NEO1: variants seen among roughly 807,000 people sequenced by gnomAD.
NEO1 encodes the protein neogenin 1.
A neutral mutation model predicts 159.7 loss-of-function variants in NEO1; 63 were observed. That is an observed-to-expected ratio of 0.39 (90% CI 0.32 to 0.49). The LOEUF is 0.49. NEO1 is among the 20% of genes least tolerant of loss of function. The pLI, the probability that NEO1 is intolerant of heterozygous loss-of-function variation, is 0.85. For synonymous variants in NEO1, 633 were observed against 662.0 expected, an observed-to-expected ratio of 0.96 and a Z score of 0.67; for missense variants, 1,615 against 1,831.0, an observed-to-expected ratio of 0.88 and a Z score of 2.15.
At chr15:73,098,434 C>T (rs1362626768) in intron 1 of NEO1, among the ~76,000 whole-genome samples, 2 of 152,146 alleles carry the variant, frequency 1.3e-5, no homozygotes, top group African/African-American at 4.8e-5. Flanking sequence ...CACCATATTT[C>T]CTCTCCCTGT....
chr15:73,247,049 C>T (rs1229800342), intron 9 of NEO1, among the ~76,000 whole-genome samples: 1 of 152,112 alleles, frequency 6.6e-6, no homozygotes, highest in Non-Finnish European at 1.5e-5. Flanking sequence ...GCAGCATAAC[C>T]ATTTATTCAA....
chr15:73,154,290 A>G (rs184185790), intron 5 of NEO1, among the ~76,000 whole-genome samples: 1 of 152,298 alleles, frequency 6.6e-6, no homozygotes, highest in East Asian at 1.9e-4. Flanking sequence ...ACAATGCTTA[A>G]TAATCACATC....
intron 7 of NEO1, among the ~76,000 whole-genome samples, chr15:73,228,572 TTTTG>T (rs1387824939): frequency 6.6e-6 from 1 of 151,906 alleles, no homozygotes; most frequent in Non-Finnish European, 1.5e-5. Flanking sequence ...GTTGTTTTTG[TTTTG>T]TTTTTTTCTG....
chr15:73,256,873 G>A (rs1468619251), intron 13 of NEO1, among the ~76,000 whole-genome samples: 1 of 152,022 alleles, frequency 6.6e-6, no homozygotes, highest in African/African-American at 2.4e-5. Context: ...CGGATTCCTT[G>A]AGCCCAAGAG....
rs146755044 is a variant in NEO1 at position 73,230,229 on chromosome 15, T to C, written c.1292-6118T>C. Among the ~76,000 whole-genome samples the C allele has an allele frequency of 7.8e-4, 119 of 152,344 alleles. 1 individual carries two copies. The highest frequency in any genetic ancestry group is 2.8e-3 in the African/African-American group (116 of 41,592). On this transcript the variant is annotated intron_variant, in intron 7 of 28. Transcript: ENST00000261908. ...ACTTACTAATTCAGTTTCTCTATTA[T>C]AGGTCGTTCAGACTTCATGTTTTTT...
At chr15:73,099,538 T>C (rs2070281696) in intron 1 of NEO1, among the ~76,000 whole-genome samples, 1 of 152,216 alleles carries the variant, frequency 6.6e-6, no homozygotes, top group Non-Finnish European at 1.5e-5. Context: ...TAAGGATTTT[T>C]AATCTTGTGT....
chr15:73,064,641 T>G (rs952635482), intron 1 of NEO1, among the ~76,000 whole-genome samples: 2 of 151,108 alleles, frequency 1.3e-5, no homozygotes, highest in African/African-American at 4.9e-5. Context: ...GTTTCTTAAT[T>G]TTTTTTTTAG....
chr15:73,226,948 G>A (rs764481208), intron 7 of NEO1, among the ~76,000 whole-genome samples: 4 of 152,144 alleles, frequency 2.6e-5, no homozygotes, highest in Non-Finnish European at 5.9e-5. Flanking sequence ...GTGAGTGGGC[G>A]TCAAATTAGG....
At chr15:73,185,268 A>C (rs1253049240) in intron 7 of NEO1, among the ~76,000 whole-genome samples, 1 of 152,178 alleles carries the variant, frequency 6.6e-6, no homozygotes, top group African/African-American at 2.4e-5. Flanking sequence ...ACACTAATAT[A>C]AACTATGGAC....
intron 7 of NEO1, among the ~76,000 whole-genome samples, chr15:73,184,936 AAAAG>A (rs1197107226): frequency 1.3e-5 from 2 of 152,168 alleles, no homozygotes; most frequent in African/African-American, 2.4e-5. Flanking sequence ...TCAAAAGAAA[AAAAG>A]AAAGAAAAGA....
chr15:73,063,125 CTTA>C (rs1372492585), intron 1 of NEO1, among the ~76,000 whole-genome samples: 2 of 152,070 alleles, frequency 1.3e-5, no homozygotes, highest in Admixed American at 1.3e-4. Context: ...CCTATGGAGG[CTTA>C]TTGAGAAACA....
chr15:73,096,246 T>G (rs2070025920), intron 1 of NEO1, among the ~76,000 whole-genome samples: 1 of 152,156 alleles, frequency 6.6e-6, no homozygotes, highest in African/African-American at 2.4e-5. Context: ...TACACAATTA[T>G]GACTGAAGAA....
intron 9 of NEO1, among the ~76,000 whole-genome samples, chr15:73,247,356 T>A (rs1178539526): frequency 6.6e-6 from 1 of 152,238 alleles, no homozygotes; most frequent in Non-Finnish European, 1.5e-5. Flanking sequence ...TAGCACCTTT[T>A]TTAGGATCAT....
intron 26 of NEO1, among the ~76,000 whole-genome samples, chr15:73,294,208 C>T (rs959685786): frequency 1.3e-5 from 2 of 152,144 alleles, no homozygotes; most frequent in East Asian, 1.9e-4. Flanking sequence ...CTTAGGAAAC[C>T]GCATTATCAA....
chr15:73,068,231 C>T (rs374522946), intron 1 of NEO1, among the ~76,000 whole-genome samples: 9 of 120,668 alleles, frequency 7.5e-5, no homozygotes, highest in Admixed American at 4.7e-4. Context: ...CTACCCCCCC[C>T]CCTTTTTTTT....
At chr15:73,147,653 AT>A (rs1389715354) in intron 5 of NEO1, among the ~76,000 whole-genome samples, 2 of 152,114 alleles carry the variant, frequency 1.3e-5, no homozygotes, top group Non-Finnish European at 2.9e-5. Flanking sequence ...TTTGACTATC[AT>A]TGTTGGCATT....
chr15:73,142,091 CT>C (rs139318789), intron 5 of NEO1, among the ~76,000 whole-genome samples: 193 of 147,222 alleles, frequency 1.3e-3, no homozygotes, highest in Non-Finnish European at 8.3e-4. Context: ...GGATTAAACT[CT>C]TTTTTTTTTA....
chr15:73,277,514 G>A (rs760815393), intron 21 of NEO1, among the ~76,000 whole-genome samples: 104 of 152,204 alleles, frequency 6.8e-4, no homozygotes, highest in Non-Finnish European at 1.9e-4. Flanking sequence ...GAGCAACTAG[G>A]AGGAAGACTG....
At position 73,140,996 on chromosome 15, in the gene NEO1, G is replaced by C. The variant is rs1019093048; in HGVS notation, c.1015+4969G>C. Among the ~76,000 whole-genome samples, 3 of 152,092 alleles carry C rather than the reference G, an allele frequency of 2.0e-5. No homozygotes were observed. The East Asian group carries it at 5.8e-4, about 29-fold the overall frequency. ...CCGAATGTTGCACAGCCCGGCTTCTGGTGTGTTTATGTTCAGTTTCTTAAT... is the reference window on the plus strand; with the variant it reads ...CCGAATGTTGCACAGCCCGGCTTCTCGTGTGTTTATGTTCAGTTTCTTAAT... On this transcript the variant is annotated intron_variant, in intron 5 of 28. Transcript: ENST00000261908.
Sources: gnomAD v4.1 joint callset for allele counts (sites outside exome capture counted in the v4.1 genomes callset) on GRCh38, gnomAD v4.1.1 for gene constraint, MANE v1.5 for transcripts, NCBI Gene and HGNC (gene_info 2026-07-23, HGNC 2026-07-21) for gene names.